Variants in KIAA1217 observed in about 807,000 individuals in gnomAD.
KIAA1217 encodes sickle tail protein homolog.
A neutral mutation model predicts 163.9 loss-of-function variants in KIAA1217; 88 were observed. The ratio of observed to expected loss-of-function variants is 0.54; its 90% CI spans 0.45 to 0.64. The LOEUF is 0.64. Among genes scored for constraint, KIAA1217 ranks in the 30% least tolerant of loss-of-function variants. KIAA1217 has a pLI of 0.00. For missense variants in KIAA1217, 2,372 were observed against 2,475.0 expected (o/e 0.96, Z 0.88); for synonymous variants, 903 against 923.1 (o/e 0.98, Z 0.39).
chr10:24,269,993 G>A (rs1237817767), intron 2 of KIAA1217, among the ~76,000 whole-genome samples: 1 of 152,178 alleles, frequency 6.6e-6, no homozygotes, highest in Non-Finnish European at 1.5e-5. Context: ...ATCAACACAG[G>A]TATGGAAGAA....
intron 1 of KIAA1217, among the ~76,000 whole-genome samples, chr10:23,724,095 A>T (rs1490311791): frequency 6.6e-6 from 1 of 152,172 alleles, no homozygotes; most frequent in Non-Finnish European, 1.5e-5. Context: ...ACTCACTTTC[A>T]TGAGAACGGC....
At chr10:23,703,792 A>G (rs2130711139) in intron 1 of KIAA1217, among the ~76,000 whole-genome samples, 1 of 152,192 alleles carries the variant, frequency 6.6e-6, no homozygotes, top group East Asian at 1.9e-4. Context: ...GGGGGTCAGC[A>G]AACTTGTTGT....
At chr10:23,918,650 C>T (rs1842720041) in intron 1 of KIAA1217, among the ~76,000 whole-genome samples, 2 of 151,914 alleles carry the variant, frequency 1.3e-5, no homozygotes, top group South Asian at 4.2e-4. Context: ...TGAAGTCCAG[C>T]ATGTACCCAG....
chr10:24,099,585 A>T (rs999246356), intron 2 of KIAA1217, among the ~76,000 whole-genome samples: 7 of 142,924 alleles, frequency 4.9e-5, no homozygotes, highest in South Asian at 2.2e-4. Flanking sequence ...ATATATATAT[A>T]TTATATATAT....
intron 1 of KIAA1217, among the ~76,000 whole-genome samples, chr10:23,957,297 C>T (rs1844610700): frequency 6.6e-6 from 1 of 152,172 alleles, no homozygotes; most frequent in Admixed American, 6.5e-5. Context: ...CTCCAACAAG[C>T]CCTGTCGTTT....
chr10:23,801,449 C>T (rs1252423204), intron 1 of KIAA1217, among the ~76,000 whole-genome samples: 1 of 152,178 alleles, frequency 6.6e-6, no homozygotes, highest in East Asian at 1.9e-4. Context: ...ACATTCTGCA[C>T]ATGTATCCCA....
At chr10:23,961,328 T>G (rs546710507) in intron 1 of KIAA1217, among the ~76,000 whole-genome samples, 1 of 152,322 alleles carries the variant, frequency 6.6e-6, no homozygotes, top group African/African-American at 2.4e-5. Context: ...AAAATAATAT[T>G]TGAAATGGCA....
chr10:24,266,264 A>C (rs1272649977), intron 2 of KIAA1217, among the ~76,000 whole-genome samples: 1 of 152,118 alleles, frequency 6.6e-6, no homozygotes, highest in African/African-American at 2.4e-5. Flanking sequence ...TTTTTAGTAG[A>C]GACAGGGTTT....
intron 2 of KIAA1217, among the ~76,000 whole-genome samples, chr10:24,239,972 C>G (rs758866478): frequency 4.6e-5 from 7 of 151,988 alleles, no homozygotes; most frequent in Non-Finnish European, 8.8e-5. Flanking sequence ...TTTCTAAATT[C>G]CAAGAAGATA....
At chr10:24,411,404 T>C (rs1423852680) in intron 3 of KIAA1217, among the ~76,000 whole-genome samples, 3 of 152,262 alleles carry the variant, frequency 2.0e-5, no homozygotes, top group Non-Finnish European at 2.9e-5. Context: ...AAATAATTAA[T>C]GGATCTTTAT....
At chr10:23,889,456 C>T (rs1476840023) in intron 1 of KIAA1217, among the ~76,000 whole-genome samples, 1 of 151,684 alleles carries the variant, frequency 6.6e-6, no homozygotes, top group Non-Finnish European at 1.5e-5. Flanking sequence ...GTCTAATATC[C>T]GTTCTCATCT....
At chr10:23,792,307 G>A (rs983788982) in intron 1 of KIAA1217, among the ~76,000 whole-genome samples, 57 of 152,218 alleles carry the variant, frequency 3.7e-4, no homozygotes, top group Admixed American at 1.5e-3. Context: ...GCTATTTAAG[G>A]AAAACTACAG....
intron 1 of KIAA1217, among the ~76,000 whole-genome samples, chr10:23,830,821 T>TACAC (rs139183459): frequency 0.062 from 9,107 of 147,480 alleles, 600 homozygotes; most frequent in African/African-American, 0.17. Context: ...GATATATGTG[T>TACAC]ACACACACAC....
intron 2 of KIAA1217, among the ~76,000 whole-genome samples, chr10:24,011,684 A>G (rs1847241600): frequency 6.6e-6 from 1 of 152,148 alleles, no homozygotes. Context: ...TTAACACTCA[A>G]CTTAAGAAAT....
At chr10:23,996,453 C>A (rs571324114) in intron 1 of KIAA1217, among the ~76,000 whole-genome samples, 1 of 152,264 alleles carries the variant, frequency 6.6e-6, no homozygotes, top group Admixed American at 6.5e-5. Flanking sequence ...AGACAGCAAA[C>A]ACAACGGCAG....
intron 1 of KIAA1217, among the ~76,000 whole-genome samples, chr10:23,798,015 T>C (rs1453150426): frequency 1.3e-5 from 2 of 152,204 alleles, no homozygotes; most frequent in Non-Finnish European, 2.9e-5. Flanking sequence ...ATTCTTTTTT[T>C]AGTCACAAGT....
rs181942665 is a variant in KIAA1217 at position 24,491,761 on chromosome 10, T to A, written c.1680-2739T>A. Among the ~76,000 whole-genome samples, 9 of 152,252 alleles carry A rather than the reference T, an allele frequency of 5.9e-5. No individual in the cohort carries two copies. In the East Asian group the frequency reaches 1.4e-3, roughly 23 times the overall value. The stretch of plus-strand genomic sequence containing the variant: ...CATTTCCCTCTTAGCAGAGTCTCAT[T>A]TAGTCTCTACATAAATGAGACCTAC... On this transcript the variant is annotated intron_variant, in intron 6 of 20. Coordinates refer to ENST00000376454, the MANE Select transcript of KIAA1217 (RefSeq NM_019590.5).
chr10:24,259,761 G>T (rs2131683955), intron 2 of KIAA1217, among the ~76,000 whole-genome samples: 1 of 152,288 alleles, frequency 6.6e-6, no homozygotes, highest in East Asian at 1.9e-4. Context: ...CAGACACGGG[G>T]GAACCTGTGT....
chr10:24,327,558 A>G (rs1021871590), intron 2 of KIAA1217, among the ~76,000 whole-genome samples: 4 of 152,098 alleles, frequency 2.6e-5, no homozygotes, highest in Admixed American at 2.0e-4. Flanking sequence ...TGGAACAATC[A>G]TAGCTCACTG....
Sources: allele counts gnomAD v4.1 joint callset (sites outside exome capture counted in the v4.1 genomes callset), GRCh38; gene constraint gnomAD v4.1.1; transcripts MANE v1.5; gene names NCBI Gene and HGNC (gene_info 2026-07-23, HGNC 2026-07-21).